GRM1: variants seen among roughly 807,000 people sequenced by gnomAD.
The protein encoded by GRM1 is metabotropic glutamate receptor 1.
GRM1 carries 33 observed loss-of-function variants against 90.9 expected under a neutral mutation model. The observed-to-expected ratio is 0.36, with a 90% confidence interval of 0.28 to 0.49. The LOEUF is 0.49. GRM1 is among the 20% of genes least tolerant of loss of function. GRM1 has a pLI of 0.99. For missense variants in GRM1, 1,190 were observed against 1,534.3 expected, an observed-to-expected ratio of 0.78 and a Z score of 3.75; for synonymous variants, 700 against 613.2, an observed-to-expected ratio of 1.14 and a Z score of -2.09.
At position 146,284,953 on chromosome 6, in the gene GRM1, A is replaced by G. The variant is rs115682910; in HGVS notation, c.951-19658A>G. Among the ~76,000 whole-genome samples, 122 of 152,340 alleles carry G rather than the reference A, an allele frequency of 8.0e-4. 1 individual carries two copies. The highest frequency in any genetic ancestry group is 2.8e-3 in the African/African-American group (117 of 41,584). ...AAGTCCTTGAAATCAAATGAAATAT[A>G]AAATGCACAAATTCTAGTTCCAAGC... is the stretch of plus-strand genomic sequence containing the variant. On this transcript the variant is annotated intron_variant, in intron 2 of 7. Coordinates refer to ENST00000282753, the MANE Select transcript of GRM1 (RefSeq NM_001278064.2).
intron 2 of GRM1, among the ~76,000 whole-genome samples, chr6:146,218,268 G>C (rs935485162): frequency 1.3e-5 from 2 of 152,142 alleles, no homozygotes; most frequent in Non-Finnish European, 2.9e-5. Flanking sequence ...GTGAGATCGA[G>C]AATAAGGTCC....
chr6:146,186,588 A>G (rs531828892), intron 2 of GRM1, among the ~76,000 whole-genome samples: 24 of 152,052 alleles, frequency 1.6e-4, no homozygotes, highest in African/African-American at 5.8e-4. Flanking sequence ...AACTTACTAA[A>G]GGTTAACAGT....
chr6:146,239,415 A>G (rs770875612), intron 2 of GRM1, among the ~76,000 whole-genome samples: 4 of 152,182 alleles, frequency 2.6e-5, no homozygotes, highest in Non-Finnish European at 5.9e-5. Context: ...ATATTACATT[A>G]TAACTATCTG....
intron 1 of GRM1, among the ~76,000 whole-genome samples, chr6:146,147,278 AG>A: frequency 6.6e-6 from 1 of 152,370 alleles, no homozygotes; most frequent in South Asian, 2.1e-4. Context: ...TAAGAGCCAT[AG>A]GCTTTAGAGT....
rs771238808 is a variant in GRM1 at position 146,178,620 on chromosome 6, C to T, written c.950+19023C>T. On this transcript the variant is annotated intron_variant, in intron 2 of 7. Coordinates refer to ENST00000282753, the MANE Select transcript of GRM1 (RefSeq NM_001278064.2). ...AGGTGTCACTATCTCATGTCTTCTG[C>T]GCTCAATAAGTTTTAGGTTTTGGGA... is the stretch of plus-strand genomic sequence containing the variant. Among the ~76,000 whole-genome samples the T allele has an allele frequency of 5.4e-4, 82 of 152,094 alleles. 1 individual carries two copies. The highest frequency in any genetic ancestry group is 1.9e-3 in the African/African-American group (79 of 41,418).
chr6:146,350,629 G>A (rs777440856), intron 3 of GRM1, among the ~76,000 whole-genome samples: 2 of 152,152 alleles, frequency 1.3e-5, no homozygotes, highest in African/African-American at 2.4e-5. Flanking sequence ...GAGAGGGAGA[G>A]AAAGAAAACC....
chr6:146,276,246 C>A (rs1006637807), intron 2 of GRM1, among the ~76,000 whole-genome samples: 2 of 152,104 alleles, frequency 1.3e-5, no homozygotes, highest in East Asian at 3.9e-4. Flanking sequence ...AAAATGGATT[C>A]TAATTCTTCA....
chr6:146,381,127 C>A (rs985977996), intron 5 of GRM1, among the ~76,000 whole-genome samples: 1 of 152,204 alleles, frequency 6.6e-6, no homozygotes, highest in Non-Finnish European at 1.5e-5. Flanking sequence ...GCTGCCCCAG[C>A]TGTTGTCCCA....
chr6:146,416,791 T>G (rs1583468921), intron 7 of GRM1, among the ~76,000 whole-genome samples: 1 of 152,210 alleles, frequency 6.6e-6, no homozygotes, highest in East Asian at 1.9e-4. Flanking sequence ...TACTTGAACC[T>G]CTAATCCTTT....
rs71552944 is a variant in GRM1, at chr6:146,130,282, TAAGA to T, written c.701-29063_701-29060del. Among the ~76,000 whole-genome samples the T allele has an allele frequency of 8.1e-3, 1,196 of 147,284 alleles. 5 individuals are homozygous for T. The highest frequency in any genetic ancestry group is 0.013 in the Non-Finnish European group (836 of 66,774). ...CTTCCTTCCTTCTTTCTTTCTTTCG[TAAGA>T]AAAAGACAAATAATTTTGTGAAGAA... On this transcript the variant is annotated intron_variant, in intron 1 of 7. Coordinates refer to ENST00000282753, the MANE Select transcript of GRM1 (RefSeq NM_001278064.2).
intron 2 of GRM1, among the ~76,000 whole-genome samples, chr6:146,193,860 G>A (rs185553188): frequency 6.6e-6 from 1 of 151,830 alleles, no homozygotes; most frequent in African/African-American, 2.4e-5. Flanking sequence ...TTTTAGTCTT[G>A]TGCTAGTATT....
chr6:146,308,672 T>C (rs1424761466), intron 3 of GRM1, among the ~76,000 whole-genome samples: 1 of 152,132 alleles, frequency 6.6e-6, no homozygotes, highest in Non-Finnish European at 1.5e-5. Flanking sequence ...TAATATGCTA[T>C]TGCATGCACT....
intron 2 of GRM1, among the ~76,000 whole-genome samples, chr6:146,297,837 A>G (rs1271841250): frequency 6.6e-6 from 1 of 152,168 alleles, no homozygotes; most frequent in Non-Finnish European, 1.5e-5. Flanking sequence ...AACCCTCTAT[A>G]TGTGCACTGC....
intron 2 of GRM1, among the ~76,000 whole-genome samples, chr6:146,263,480 A>T (rs1781769825): frequency 6.6e-6 from 1 of 152,012 alleles, no homozygotes; most frequent in African/African-American, 2.4e-5. Context: ...CTTTACATAT[A>T]AAATTCTAAG....
intron 2 of GRM1, among the ~76,000 whole-genome samples, chr6:146,257,635 C>T (rs951392709): frequency 7.2e-5 from 11 of 152,052 alleles, no homozygotes; most frequent in Admixed American, 1.3e-4. Context: ...CCGCTATCTA[C>T]GAGCTGGATA....
At chr6:146,048,586 A>C (rs1486428028) in intron 1 of GRM1, among the ~76,000 whole-genome samples, 1 of 152,004 alleles carries the variant, frequency 6.6e-6, no homozygotes, top group Non-Finnish European at 1.5e-5. Context: ...ATCTCATAAT[A>C]TGAGCTTATT....
At chr6:146,152,421 A>G (rs1562495405) in intron 1 of GRM1, among the ~76,000 whole-genome samples, 1 of 151,666 alleles carries the variant, frequency 6.6e-6, no homozygotes, top group Non-Finnish European at 1.5e-5. Flanking sequence ...TGTAGCATAT[A>G]TGGCTCAGTA....
intron 1 of GRM1, among the ~76,000 whole-genome samples, chr6:146,146,701 A>G (rs368398325): frequency 6.6e-6 from 1 of 152,184 alleles, no homozygotes; most frequent in Admixed American, 6.5e-5. Context: ...ATGTTAGCAC[A>G]TGAGCACACA....
Position 146,352,419 on chromosome 6 carries a change from C to A in GRM1, c.1356C>A (p.Asp452Glu). 6.2e-7 allele frequency: 1 copy of A among 1,613,958 alleles called. No individual in the cohort carries two copies. Among genetic ancestry groups the A allele is most frequent in the Non-Finnish European group, 8.5e-7 (1 of 1,179,798 alleles). ...MKPIDGSKLL[D>E]FLIKSSFIGV... ...CCATCGACGGCAGCAAGCTGCTGGA[C>A]TTCCTCATCAAGTCCTCATTCATTG... The change falls in exon 4 of 8, where the codon GAC becomes GAA. Residue 452 changes from aspartate (D) to glutamate (E), a missense_variant. Asp to Glu is a conservative substitution (Grantham distance 45). Transcript: ENST00000282753.
Sources: allele counts gnomAD v4.1 joint callset (sites outside exome capture counted in the v4.1 genomes callset), GRCh38; gene constraint gnomAD v4.1.1; transcripts MANE v1.5; gene names NCBI Gene and HGNC (gene_info 2026-07-23, HGNC 2026-07-21).